The following PKD2L1 variants were observed in gnomAD, a reference collection of about 807,000 sequenced individuals.
PKD2L1 encodes polycystin 2 like 1, transient receptor potential cation channel.
Under a neutral mutation model 93.0 loss-of-function variants are expected in PKD2L1, and 77 were observed. That is an observed-to-expected ratio of 0.83 (90% CI 0.69 to 1.00). The LOEUF (loss-of-function observed/expected upper bound fraction) is 1.00, where lower values mean the gene tolerates loss of function less well. PKD2L1 is among the 50% of genes least tolerant of loss of function. The pLI, the probability that PKD2L1 is intolerant of heterozygous loss-of-function variation, is 0.00. For synonymous variants in PKD2L1, 390 were observed against 388.0 expected (o/e 1.01, Z -0.06); for missense variants, 977 against 990.9 (o/e 0.99, Z 0.19).
intron 2 of PKD2L1, among the ~76,000 whole-genome samples, chr10:100,306,030 C>T (rs559967821): frequency 9.9e-5 from 15 of 152,128 alleles, no homozygotes; most frequent in East Asian, 3.9e-4. Flanking sequence ...AAAAAAAATA[C>T]ATAAATTAGC....
chr10:100,290,205 C>T, intron 13 of PKD2L1, 67 bp from the exon 14 acceptor site: 5 of 1,593,774 alleles, frequency 3.1e-6, no homozygotes, highest in Non-Finnish European at 4.3e-6. Flanking sequence ...GTCTAAAGAG[C>T]CAGGGTTCAC....
Position 100,293,339 on chromosome 10 carries a change from A to C in PKD2L1, c.1700T>G (p.Val567Gly). Residue 567 changes from valine to glycine, a missense_variant, in exon 10 of 16, where the codon GTC (valine) becomes GGC (glycine). By Grantham distance (109) the Val-to-Gly change is moderately radical (BLOSUM62 -3). Transcript: ENST00000318222. ...CTTCTGTCCAGCCAGCTCCTCCTTG[A>C]CCTCTGAATATGTGTCATTGATGAT... is the stretch of plus-strand genomic sequence containing the variant. ...LAIINDTYSE[V>G]KEELAGQKDE... 4 of 1,613,644 alleles carry C rather than the reference A, an allele frequency of 2.5e-6. No homozygotes were observed. Among genetic ancestry groups the C allele is most frequent in the Non-Finnish European group, 3.4e-6 (4 of 1,179,636 alleles).
intron 2 of PKD2L1, among the ~76,000 whole-genome samples, chr10:100,316,962 C>T (rs189355868): frequency 3.9e-4 from 60 of 152,196 alleles, no homozygotes; most frequent in African/African-American, 1.3e-3. Context: ...GTGGCACCTG[C>T]CTGTAGTCCC....
intron 2 of PKD2L1, among the ~76,000 whole-genome samples, chr10:100,327,521 G>A (rs1460543495): frequency 6.6e-6 from 1 of 152,152 alleles, no homozygotes; most frequent in East Asian, 1.9e-4. Context: ...ATGGTTCACT[G>A]TAACTCTGGG....
intron 2 of PKD2L1, among the ~76,000 whole-genome samples, chr10:100,320,749 G>A (rs78615402): frequency 0.024 from 3,726 of 152,322 alleles, 96 homozygotes; most frequent in African/African-American, 0.059. Flanking sequence ...TAAAAATTAT[G>A]AATGAGAACA....
At chr10:100,322,826 T>C (rs1849292106) in intron 2 of PKD2L1, among the ~76,000 whole-genome samples, 1 of 152,210 alleles carries the variant, frequency 6.6e-6, no homozygotes, top group Non-Finnish European at 1.5e-5. Context: ...ACTCCAGTGG[T>C]TAAAAGCCTC....
In PKD2L1 at chr10:100,296,420, G is replaced by T. The variant is rs1049679721; in HGVS notation, c.1186-128C>A. 9.5e-6 allele frequency: 6 copies of T among 633,220 alleles called. No individual in the cohort carries two copies. The Admixed American group carries it at 1.5e-4, about 16-fold the overall frequency. 39.2% of individuals were successfully genotyped at this position (633,220 alleles called of 1,614,324 possible). A position where few individuals can be genotyped will look rare whatever the true frequency, so the allele number is the denominator to read the frequency against. On this transcript the variant is annotated intron_variant, in intron 6 of 15. Coordinates refer to ENST00000318222, the MANE Select transcript of PKD2L1 (RefSeq NM_016112.3). ...GGAAAAAAGCCATCCTTGCTGACTT[G>T]TTCACTATCTCAGTTTCAAATGGAA...
intron 2 of PKD2L1, among the ~76,000 whole-genome samples, chr10:100,321,478 A>C (rs1271487092): frequency 6.8e-6 from 1 of 147,482 alleles, no homozygotes; most frequent in Non-Finnish European, 1.5e-5. Context: ...AAGAAAAGAA[A>C]AGAAAAGAAA....
intron 2 of PKD2L1, among the ~76,000 whole-genome samples, chr10:100,317,743 A>G (rs1849131966): frequency 6.6e-6 from 1 of 152,106 alleles, no homozygotes; most frequent in Non-Finnish European, 1.5e-5. Context: ...ACAACCTGAA[A>G]AGGTCTCAGG....
chr10:100,296,403 G>A, intron 6 of PKD2L1, 111 bp from the exon 7 acceptor site: 1 of 802,976 alleles, frequency 1.2e-6, no homozygotes, highest in Non-Finnish European at 1.9e-6. Context: ...TGGGAAAAAA[G>A]CCATCCTTGC....
chr10:100,329,062 G>C, intron 2 of PKD2L1, 149 bp downstream of exon 2: 2 of 654,570 alleles, frequency 3.1e-6, no homozygotes, highest in Non-Finnish European at 5.2e-6. Flanking sequence ...GATGGGATTG[G>C]AATATTGTTA....
At chr10:100,300,408 C>A (rs1208683273) in intron 2 of PKD2L1, among the ~76,000 whole-genome samples, 2 of 150,224 alleles carry the variant, frequency 1.3e-5, no homozygotes, top group Non-Finnish European at 3.0e-5. Flanking sequence ...AAAAAAAAGA[C>A]CTGGACTTTA....
chr10:100,305,685 C>G (rs529921265), intron 2 of PKD2L1, among the ~76,000 whole-genome samples: 3 of 152,252 alleles, frequency 2.0e-5, no homozygotes, highest in Admixed American at 6.5e-5. Flanking sequence ...AGAACTCAGT[C>G]TCTCTAATAA....
In PKD2L1 at chr10:100,329,195, C is replaced by T. The variant is rs756634705; in HGVS notation, c.349+16G>A. 2.5e-6 allele frequency: 4 copies of T among 1,613,248 alleles called. No individual in the cohort carries two copies. The highest frequency in any genetic ancestry group is 1.7e-5 in the Admixed American group (1 of 60,014). The stretch of plus-strand genomic sequence containing the variant: ...TTTCTCACAGACAGATGTACACAAA[C>T]ACAGATGCTACTCACGTAGACAGAT... On this transcript the variant is annotated intron_variant, in intron 2 of 15. Transcript: ENST00000318222.
chr10:100,293,281 C>CG lies in PKD2L1; in HGVS notation c.1757_1758insC (p.Gln586HisfsTer34). ...TAGCTCAAGGAGATTGAGCAATCAC[C>CG]TGTTTCAGGAGGTCAGAAAGTTGCA... On this transcript the variant is annotated frameshift_variant and splice_region_variant, in exon 10 of 16. Transcript: ENST00000318222. LOFTEE classifies it high-confidence loss of function. The CG allele has an allele frequency of 6.2e-7, 1 of 1,605,600 alleles. No homozygotes were observed. The highest frequency in any genetic ancestry group is 2.2e-5 in the East Asian group (1 of 44,848).
At chr10:100,296,623 AGGAG>A (rs1848545436) in intron 6 of PKD2L1, among the ~76,000 whole-genome samples, 1 of 152,144 alleles carries the variant, frequency 6.6e-6, no homozygotes, top group Non-Finnish European at 1.5e-5. Flanking sequence ...TCTTGTTAAT[AGGAG>A]GGAGATGAAG....
intron 2 of PKD2L1, among the ~76,000 whole-genome samples, chr10:100,303,574 C>T (rs1032545613): frequency 5.9e-5 from 9 of 152,198 alleles, no homozygotes; most frequent in Non-Finnish European, 7.3e-5. Context: ...GCCATATCTT[C>T]TCCCACTTCC....
intron 2 of PKD2L1, among the ~76,000 whole-genome samples, chr10:100,316,236 G>C (rs371929954): frequency 6.6e-6 from 1 of 152,166 alleles, no homozygotes; most frequent in Admixed American, 6.5e-5. Context: ...GCAATGGCAC[G>C]ATCTCAGCTC....
At position 100,288,284 on chromosome 10, in the gene PKD2L1, G is replaced by C; in HGVS notation, c.*112C>G. 1.4e-6 allele frequency: 1 copy of C among 710,338 alleles called. No individual in the cohort carries two copies. Among genetic ancestry groups the C allele is most frequent in the Non-Finnish European group, 2.6e-6 (1 of 391,870 alleles). The allele number at this position is 710,338 out of a possible 1,614,324, so 44.0% of individuals were successfully genotyped here. ...CATTTCCTTGCCTGATTCCCTTCAG[G>C]CTCCATTTTTATCTCCTGGTTAAAG... On this transcript the variant is annotated 3_prime_UTR_variant, in exon 16 of 16. Coordinates refer to ENST00000318222, the MANE Select transcript of PKD2L1 (RefSeq NM_016112.3).
Sources: allele counts gnomAD v4.1 joint callset (sites outside exome capture counted in the v4.1 genomes callset), GRCh38; gene constraint gnomAD v4.1.1; transcripts MANE v1.5; gene names NCBI Gene and HGNC (gene_info 2026-07-23, HGNC 2026-07-21).